MDN1: variants seen among roughly 807,000 people sequenced by gnomAD.
MDN1 encodes the protein midasin.
Under a neutral mutation model 669.2 loss-of-function variants are expected in MDN1, and 266 were observed. The ratio of observed to expected loss-of-function variants is 0.40; its 90% confidence interval spans 0.36 to 0.44. The LOEUF is 0.44. Ranked by LOEUF, MDN1 falls within the 20% of genes least tolerant of loss-of-function variation. MDN1 has a pLI of 1.00. For synonymous variants in MDN1, 2,385 were observed against 2,457.1 expected, an observed-to-expected ratio of 0.97 and a Z score of 0.87; for missense variants, 5,940 against 6,754.0, an observed-to-expected ratio of 0.88 and a Z score of 4.22.
rs1812769762 is a variant in MDN1, at chr6:89,696,683, A to C, written c.9169-109T>G. 6.4e-6 allele frequency: 5 copies of C among 779,696 alleles called. No individual in the cohort carries two copies. The Admixed American group carries it at 1.1e-4, about 18-fold the overall frequency. The allele number at this position is 779,696 out of a possible 1,614,324, so 48.3% of individuals were successfully genotyped here. On this transcript the variant is annotated intron_variant, in intron 59 of 101. Coordinates refer to ENST00000369393, the MANE Select transcript of MDN1 (RefSeq NM_014611.3). ...ACAGACAGTTCAGGTTGCTTGGAAC[A>C]GGTAAGCATCACTCAGAGACTGGCC...
At chr6:89,654,465 T>TGGTC in intron 92 of MDN1, 131 bp from the exon 93 acceptor site, 1 of 1,201,770 alleles carries the variant, frequency 8.3e-7, no homozygotes, top group Non-Finnish European at 1.2e-6. Context: ...ACTGACCAGC[T>TGGTC]ATGTGGCTTG....
At chr6:89,685,738 G>C in intron 70 of MDN1, 89 bp downstream of exon 70, 2 of 1,383,482 alleles carry the variant, frequency 1.4e-6, no homozygotes, top group Non-Finnish European at 2.0e-6. Context: ...AACCTAGCGT[G>C]CAACAAGGCA....
chr6:89,742,747 T>C (rs1268638170), intron 31 of MDN1, among the ~76,000 whole-genome samples: 3 of 152,176 alleles, frequency 2.0e-5, no homozygotes, highest in Non-Finnish European at 4.4e-5. Flanking sequence ...TCTTTCAAAA[T>C]ATTAAGAGAG....
rs763235279 is a variant in MDN1 at position 89,653,053 on chromosome 6, T to C, written c.15764A>G (p.Glu5255Gly). 5 of 1,614,208 alleles carry C rather than the reference T, an allele frequency of 3.1e-6. No homozygotes were observed. In the African/African-American group the frequency reaches 5.3e-5, roughly 17 times the overall value. The change falls in exon 94 of 102, where the codon GAA becomes GGA. Residue 5255 changes from glutamate to glycine, a missense_variant. Coordinates refer to ENST00000369393, the MANE Select transcript of MDN1 (RefSeq NM_014611.3). Reference protein sequence around the residue: ...AHKETENEKPERSRESTIHTA... With the variant: ...AHKETENEKPGRSRESTIHTA... Reference sequence around the variant, plus strand: ...ATGAATGGTAGACTCTCGGCTTCTTTCTGGTTTCTCATTTTCTGTCTCCTT... The same window carrying C: ...ATGAATGGTAGACTCTCGGCTTCTTCCTGGTTTCTCATTTTCTGTCTCCTT...
At chr6:89,682,360 A>C (rs1348467886) in intron 73 of MDN1, among the ~76,000 whole-genome samples, 2 of 152,152 alleles carry the variant, frequency 1.3e-5, no homozygotes, top group East Asian at 1.9e-4. Context: ...AAGTGCGATG[A>C]CTCATGCCCA....
intron 35 of MDN1, among the ~76,000 whole-genome samples, chr6:89,729,969 C>T (rs1428999209): frequency 6.6e-6 from 1 of 152,056 alleles, no homozygotes; most frequent in Non-Finnish European, 1.5e-5. Flanking sequence ...CCACTGAAAC[C>T]CCAGTAATTG....
chr6:89,776,429 C>T (rs559226695), intron 12 of MDN1, among the ~76,000 whole-genome samples, 171 bp downstream of exon 12: 16 of 152,266 alleles, frequency 1.1e-4, no homozygotes, highest in Admixed American at 5.2e-4. Flanking sequence ...CCATTGCACT[C>T]GCGCCATTTG....
At chr6:89,684,390 TAAA>T (rs372116307) in intron 71 of MDN1, among the ~76,000 whole-genome samples, 3 of 133,058 alleles carry the variant, frequency 2.3e-5, no homozygotes, top group East Asian at 2.0e-4. Flanking sequence ...CAAAGTGATT[TAAA>T]AAAAAAAAAA....
At chr6:89,681,335 G>A (rs1157601514) in intron 73 of MDN1, among the ~76,000 whole-genome samples, 2 of 152,062 alleles carry the variant, frequency 1.3e-5, no homozygotes, top group Non-Finnish European at 1.5e-5. Flanking sequence ...CACCATGCCT[G>A]GCTATTTTTT....
At chr6:89,680,909 A>C (rs117413595) in intron 73 of MDN1, among the ~76,000 whole-genome samples, 158 bp from the exon 74 acceptor site, 2,238 of 152,312 alleles carry the variant, frequency 0.015, 35 homozygotes, top group Non-Finnish European at 0.021. Context: ...CATACTGTGG[A>C]TATTTAGAAA....
intron 15 of MDN1, among the ~76,000 whole-genome samples, chr6:89,765,236 G>A (rs1158680969): frequency 7.0e-6 from 1 of 142,036 alleles, no homozygotes; most frequent in Non-Finnish European, 1.5e-5. Context: ...CAGCCTGGGA[G>A]ACAGAGTGAG....
chr6:89,740,725 T>C (rs1816248201), intron 31 of MDN1, among the ~76,000 whole-genome samples: 1 of 152,188 alleles, frequency 6.6e-6, no homozygotes, highest in African/African-American at 2.4e-5. Flanking sequence ...ATAAACAAAA[T>C]GTGGTATATC....
chr6:89,652,398 G>A (rs971405350), intron 94 of MDN1, 117 bp from the exon 95 acceptor site: 1 of 741,998 alleles, frequency 1.3e-6, no homozygotes, highest in Admixed American at 2.7e-5. Flanking sequence ...ATGCTCCTGA[G>A]ATTCAAAACT....
intron 53 of MDN1, among the ~76,000 whole-genome samples, chr6:89,702,919 T>C (rs890614422): frequency 7.4e-5 from 11 of 149,488 alleles, no homozygotes; most frequent in Non-Finnish European, 1.5e-4. Context: ...ACATATAATG[T>C]GAGGTAGGGG....
At chr6:89,761,500 G>A (rs190579153) in intron 17 of MDN1, 145 bp downstream of exon 17, 140 of 500,082 alleles carry the variant, frequency 2.8e-4, no homozygotes, top group Middle Eastern at 2.6e-3. Flanking sequence ...TCTTATAATT[G>A]CCATAATTAC....
Position 89,745,430 on chromosome 6 carries a change from A to G in MDN1, c.4040-19T>C. 6.2e-7 allele frequency: 1 copy of G among 1,614,024 alleles called. No homozygotes were observed. Among genetic ancestry groups the G allele is most frequent in the Non-Finnish European group, 8.5e-7 (1 of 1,179,924 alleles). On this transcript the variant is annotated intron_variant, in intron 28 of 101. Transcript: ENST00000369393. ...AATTTACCTATCCAAGGAAAAATAA[A>G]TATTTAGATTCTAATGAGTACAACT...
intron 60 of MDN1, 68 bp downstream of exon 60, chr6:89,696,292 G>T: frequency 6.7e-7 from 1 of 1,489,542 alleles, no homozygotes; most frequent in Non-Finnish European, 9.3e-7. Context: ...AGTTCTCACT[G>T]GGTCTCTGCT....
At position 89,718,581 on chromosome 6, in the gene MDN1, C is replaced by G. The variant is rs149060574; in HGVS notation, c.6368G>C (p.Gly2123Ala). Residue 2123 changes from glycine (G) to alanine (A), a missense_variant, in exon 43 of 102, where the codon GGA (glycine) becomes GCA (alanine). Physicochemically the swap from Gly to Ala is moderately conservative, Grantham distance 60. Coordinates refer to ENST00000369393, the MANE Select transcript of MDN1 (RefSeq NM_014611.3). ...ATCCCTTAACAGTGCCCTTACAGTT[C>G]CCTCCACCTTCTCTAGCAGCCTCCT... The part of the protein sequence containing the change: ...PWRRLLEKVE[G>A]TVRALLRDSL... 1.9e-6 allele frequency: 3 copies of G among 1,614,008 alleles called. No homozygotes were observed. The highest frequency in any genetic ancestry group is 1.7e-5 in the Admixed American group (1 of 59,994).
chr6:89,676,263 A>C, intron 76 of MDN1, 56 bp from the exon 77 acceptor site: 1 of 1,490,626 alleles, frequency 6.7e-7, no homozygotes, highest in Non-Finnish European at 9.4e-7. Context: ...CCCACCCCAG[A>C]TCCTGAAAAC....
Sources: allele counts gnomAD v4.1 joint callset (sites outside exome capture counted in the v4.1 genomes callset), GRCh38; gene constraint gnomAD v4.1.1; transcripts MANE v1.5; gene names NCBI Gene and HGNC (gene_info 2026-07-23, HGNC 2026-07-21).